The following NTN1 variants were observed in gnomAD, a reference collection of about 807,000 sequenced individuals.
NTN1 encodes the protein netrin-1.
A neutral mutation model predicts 54.2 loss-of-function variants in NTN1; 11 were observed. The observed-to-expected ratio is 0.20, with a 90% CI of 0.13 to 0.34. The LOEUF is 0.34. Ranked by LOEUF, NTN1 falls within the 10% of genes least tolerant of loss-of-function variation. The probability of loss-of-function intolerance (pLI) is 1.00; values close to 1 mark genes in which losing one functional copy is unlikely to be tolerated. For synonymous variants in NTN1, 371 were observed against 382.0 expected (o/e 0.97, Z 0.33); for missense variants, 740 against 893.1 (o/e 0.83, Z 2.18).
intron 2 of NTN1, among the ~76,000 whole-genome samples, chr17:9,152,736 A>G (rs1180936248): frequency 3.3e-5 from 5 of 152,234 alleles, no homozygotes; most frequent in African/African-American, 1.2e-4. Context: ...TTTGGGTATC[A>G]TGAGTTAGAC....
intron 2 of NTN1, among the ~76,000 whole-genome samples, chr17:9,046,455 T>C (rs1287533478): frequency 1.3e-5 from 2 of 152,168 alleles, no homozygotes; most frequent in Non-Finnish European, 2.9e-5. Flanking sequence ...GAATGTAAAA[T>C]GATATGGCTA....
intron 2 of NTN1, among the ~76,000 whole-genome samples, chr17:9,106,900 C>T (rs2092169274): frequency 6.6e-6 from 1 of 152,094 alleles, no homozygotes; most frequent in Admixed American, 6.6e-5. Flanking sequence ...CTTTATTTTG[C>T]ACTTACTGGG....
At chr17:9,187,654 C>CAAAAAAAAAAAA (rs763852001) in intron 5 of NTN1, among the ~76,000 whole-genome samples, 1 of 52,918 alleles carries the variant, frequency 1.9e-5, no homozygotes. Flanking sequence ...CTCATCTCTC[C>CAAAAAAAAAAAA]AAAAAAAAAA....
At chr17:9,196,315 C>A (rs779577096) in intron 5 of NTN1, among the ~76,000 whole-genome samples, 1 of 152,174 alleles carries the variant, frequency 6.6e-6, no homozygotes, top group Admixed American at 6.5e-5. Flanking sequence ...TTGGTGGGGA[C>A]ATTGTTTAGG....
At chr17:9,066,967 C>G (rs1050633880) in intron 2 of NTN1, among the ~76,000 whole-genome samples, 1 of 143,126 alleles carries the variant, frequency 7.0e-6, no homozygotes, top group African/African-American at 2.7e-5. Flanking sequence ...CACCATTGCA[C>G]TCCAGCCTGG....
chr17:9,055,820 C>T (rs554863112), intron 2 of NTN1, among the ~76,000 whole-genome samples: 4 of 152,302 alleles, frequency 2.6e-5, no homozygotes, highest in Admixed American at 1.3e-4. Context: ...CTCCCAGGCT[C>T]GGGTGATCCT....
Position 9,221,313 on chromosome 17 carries a change from G to A in NTN1, c.1486+71G>A, listed in dbSNP as rs1235220784. On this transcript the variant is annotated intron_variant, in intron 6 of 6. Coordinates refer to ENST00000173229, the MANE Select transcript of NTN1 (RefSeq NM_004822.3). The surrounding 1 kb of genome is among the most constrained non-coding windows in gnomAD (Gnocchi z 4.5). ...TGACCAGCGAGGTGCTGGGGCTGGGGTGCAGCTGGCCCCCGATGGGTGTTG... is the reference window on the plus strand; with the variant it reads ...TGACCAGCGAGGTGCTGGGGCTGGGATGCAGCTGGCCCCCGATGGGTGTTG... 7 of 1,239,206 alleles carry A rather than the reference G, an allele frequency of 5.6e-6. No homozygotes were observed. The highest frequency in any genetic ancestry group is 8.3e-6 in the Non-Finnish European group (7 of 839,206). The allele number at this position is 1,239,206 out of a possible 1,614,324, so 76.8% of individuals were successfully genotyped here.
intron 5 of NTN1, among the ~76,000 whole-genome samples, chr17:9,220,418 G>C (rs575318449): frequency 1.3e-5 from 2 of 152,324 alleles, no homozygotes; most frequent in Non-Finnish European, 2.9e-5. Flanking sequence ...AAAGAACAGC[G>C]ATGGCTGGCA....
intron 2 of NTN1, among the ~76,000 whole-genome samples, chr17:9,109,286 CA>C (rs750964497): frequency 1.3e-5 from 2 of 152,152 alleles, no homozygotes; most frequent in Non-Finnish European, 1.5e-5. Context: ...TTCCCAGAAA[CA>C]AATAGTATAG....
chr17:9,214,597 C>A (rs975404542), intron 5 of NTN1, among the ~76,000 whole-genome samples: 2 of 152,130 alleles, frequency 1.3e-5, no homozygotes, highest in Admixed American at 1.3e-4. Context: ...CCGAGGCAGG[C>A]GGATCACGAG....
intron 2 of NTN1, among the ~76,000 whole-genome samples, chr17:9,027,900 G>T (rs2151508492): frequency 6.6e-6 from 1 of 152,210 alleles, no homozygotes; most frequent in African/African-American, 2.4e-5. Flanking sequence ...TGGGTAGTCA[G>T]AACCCCTCTT....
At chr17:9,006,362 A>C in the NTN1 span, among the ~76,000 whole-genome samples, 1 of 152,208 alleles carries the variant, frequency 6.6e-6, no homozygotes, top group Admixed American at 6.5e-5. Context: ...CGCTGAGACT[A>C]TCCAGATGAT....
upstream of NTN1, among the ~76,000 whole-genome samples, chr17:9,017,807 C>T (rs2091835005): frequency 6.6e-6 from 1 of 152,216 alleles, no homozygotes; most frequent in African/African-American, 2.4e-5. Flanking sequence ...GACACTTGGA[C>T]ATCTGTTTTT....
At position 9,021,601 on chromosome 17, in the gene NTN1, C is replaced by T. The variant is rs571462217; in HGVS notation, c.-64+16C>T. 2.6e-5 allele frequency: 4 copies of T among 151,702 alleles called. No individual in the cohort carries two copies. In the South Asian group the frequency reaches 7.1e-4, roughly 27 times the overall value. 9.4% of individuals were successfully genotyped at this position (151,702 alleles called of 1,614,324 possible). A position where few individuals can be genotyped will look rare whatever the true frequency, so the allele number is the denominator to read the frequency against. ...GCCGGCCAGCGTGAGTGTGTGTGCG[C>T]CCCGGGCGCGGGCAGGGCAGCACTC... is the stretch of plus-strand genomic sequence containing the variant. On this transcript the variant is annotated intron_variant, in intron 1 of 6. Transcript: ENST00000173229.
intron 2 of NTN1, among the ~76,000 whole-genome samples, chr17:9,067,657 C>T (rs942988018): frequency 1.3e-5 from 2 of 152,198 alleles, no homozygotes. Context: ...TGTCCCAACC[C>T]ACTCATCTTC....
intron 2 of NTN1, among the ~76,000 whole-genome samples, chr17:9,088,176 CAG>C (rs1192809858): frequency 7.2e-5 from 11 of 152,228 alleles, no homozygotes; most frequent in Non-Finnish European, 1.5e-4. Context: ...AGGCGGGAGA[CAG>C]GGGACCAGCT....
At position 9,135,213 on chromosome 17, in the gene NTN1, C is replaced by A. The variant is rs1257008580; in HGVS notation, c.1019-27600C>A. 6.6e-6 allele frequency among the ~76,000 whole-genome samples: 1 copy of A among 152,210 alleles called. No individual in the cohort carries two copies. Among genetic ancestry groups the A allele is most frequent in the Non-Finnish European group, 1.5e-5 (1 of 68,046 alleles). On this transcript the variant is annotated intron_variant, in intron 2 of 6. Coordinates refer to ENST00000173229, the MANE Select transcript of NTN1 (RefSeq NM_004822.3). The surrounding 1 kb of genome is among the most constrained non-coding windows in gnomAD (Gnocchi z 4.4). ...CAGTTCTTCCCATCTCCTGTCTGGG[C>A]TGCCCTTTACTGGCTACAGGAGGGT...
At chr17:9,197,658 C>CAAAA (rs112690206) in intron 5 of NTN1, among the ~76,000 whole-genome samples, 2 of 79,948 alleles carry the variant, frequency 2.5e-5, no homozygotes, top group South Asian at 8.1e-4. Flanking sequence ...AGACTCTGTC[C>CAAAA]AAAAAAAAAA....
In NTN1 at chr17:9,181,763, AG is replaced by A. The variant is rs761067754; in HGVS notation, c.1358-1152del. 9.5e-4 allele frequency among the ~76,000 whole-genome samples: 144 copies of A among 152,292 alleles called. 1 individual carries two copies. Among genetic ancestry groups the A allele is most frequent in the Admixed American group, 9.3e-3 (142 of 15,300 alleles). On this transcript the variant is annotated intron_variant, in intron 4 of 6. Coordinates refer to ENST00000173229, the MANE Select transcript of NTN1 (RefSeq NM_004822.3). ...AAAGAATCAGATGGTGGCTAGAGTC[AG>A]TGGGGTTCATGGTCACTCACCAGGG...
Sources: allele counts gnomAD v4.1 joint callset (sites outside exome capture counted in the v4.1 genomes callset), GRCh38; gene constraint gnomAD v4.1.1; non-coding constraint Gnocchi (gnomAD v3.1); transcripts MANE v1.5; gene names NCBI Gene and HGNC (gene_info 2026-07-23, HGNC 2026-07-21).